The following EXOC4 variants were observed in gnomAD, a reference collection of about 807,000 sequenced individuals.
The protein encoded by EXOC4 is exocyst complex component 4.
A neutral mutation model predicts 107.2 loss-of-function variants in EXOC4; 71 were observed. The ratio of observed to expected loss-of-function variants is 0.66; its 90% CI spans 0.55 to 0.81. EXOC4 has a LOEUF of 0.81. Among genes scored for constraint, EXOC4 ranks in the 30% least tolerant of loss-of-function variants. EXOC4 has a pLI of 0.00. For missense variants in EXOC4, 1,108 were observed against 1,189.6 expected (o/e 0.93, Z 1.01); for synonymous variants, 456 against 441.2 (o/e 1.03, Z -0.42).
At chr7:133,869,993 T>C (rs6979717) in intron 11 of EXOC4, among the ~76,000 whole-genome samples, 2 of 152,070 alleles carry the variant, frequency 1.3e-5, no homozygotes, top group Non-Finnish European at 2.9e-5. Flanking sequence ...TAGCAGAACA[T>C]CCTATTATTT....
At chr7:133,498,741 C>T (rs932141292) in intron 9 of EXOC4, among the ~76,000 whole-genome samples, 12 of 152,148 alleles carry the variant, frequency 7.9e-5, no homozygotes, top group African/African-American at 2.7e-4. Context: ...TTAATAATTT[C>T]GTATGTACTA....
At chr7:133,358,966 C>CT (rs1389533075) in intron 6 of EXOC4, among the ~76,000 whole-genome samples, 1 of 152,136 alleles carries the variant, frequency 6.6e-6, no homozygotes, top group East Asian at 1.9e-4. Context: ...TTTTAGAAAG[C>CT]TTTTGTAGGC....
intron 11 of EXOC4, among the ~76,000 whole-genome samples, chr7:133,887,430 G>A (rs1799110230): frequency 2.0e-5 from 3 of 152,160 alleles, no homozygotes; most frequent in Admixed American, 2.0e-4. Context: ...GAGGAATGCT[G>A]ATCCCTCTTG....
At chr7:134,076,035 A>G in the EXOC4 span, among the ~76,000 whole-genome samples, 11 of 152,224 alleles carry the variant, frequency 7.2e-5, no homozygotes. Context: ...GATACACACA[A>G]CGAAGAGGCT....
intron 9 of EXOC4, among the ~76,000 whole-genome samples, chr7:133,487,383 C>G (rs1210764337): frequency 6.6e-6 from 1 of 152,132 alleles, no homozygotes; most frequent in African/African-American, 2.4e-5. Flanking sequence ...AAATGCATTT[C>G]TCTACATTTA....
intron 11 of EXOC4, among the ~76,000 whole-genome samples, chr7:133,855,098 T>A (rs749590117): frequency 0.026 from 2,449 of 95,232 alleles, 108 homozygotes; most frequent in Non-Finnish European, 0.038. Context: ...TATAAATATA[T>A]ATATAAATAT....
At chr7:134,001,635 T>C (rs1224453105) in intron 15 of EXOC4, among the ~76,000 whole-genome samples, 1 of 152,198 alleles carries the variant, frequency 6.6e-6, no homozygotes, top group Non-Finnish European at 1.5e-5. Flanking sequence ...CATTCTCTGC[T>C]ATTAATCCAC....
chr7:133,626,671 A>G (rs891730178), intron 9 of EXOC4, among the ~76,000 whole-genome samples: 2 of 152,192 alleles, frequency 1.3e-5, no homozygotes, highest in Non-Finnish European at 2.9e-5. Context: ...AGGGGTTTAG[A>G]ACTAATGAAA....
intron 11 of EXOC4, among the ~76,000 whole-genome samples, chr7:133,857,642 AC>A (rs1231685034): frequency 1.3e-5 from 2 of 151,364 alleles, no homozygotes; most frequent in African/African-American, 4.9e-5. Flanking sequence ...ACAGCCAGAC[AC>A]CCCAGCTGCT....
In EXOC4 at chr7:133,594,596, C is replaced by T. The variant is rs778760220; in HGVS notation, c.1418-35449C>T. Among the ~76,000 whole-genome samples, 12 of 148,708 alleles carry T rather than the reference C, an allele frequency of 8.1e-5. 1 individual carries two copies. Among genetic ancestry groups the T allele is most frequent in the East Asian group, 2.0e-4 (1 of 5,004 alleles). On this transcript the variant is annotated intron_variant, in intron 9 of 17. Transcript: ENST00000253861. ...TGCAATCTCCGCCTCCTGGTTCAAGCGATTCTCCTGCCTCAGCCTCCCAAG... is the reference window on the plus strand; with the variant it reads ...TGCAATCTCCGCCTCCTGGTTCAAGTGATTCTCCTGCCTCAGCCTCCCAAG...
intron 10 of EXOC4, among the ~76,000 whole-genome samples, chr7:133,639,720 C>T (rs909175304): frequency 2.0e-4 from 31 of 152,046 alleles, no homozygotes; most frequent in African/African-American, 5.8e-4. Context: ...TTTCTTGTTG[C>T]ACTTGAAATA....
intron 10 of EXOC4, among the ~76,000 whole-genome samples, chr7:133,710,661 GA>G (rs1245603600): frequency 2.1e-5 from 3 of 142,542 alleles, no homozygotes; most frequent in African/African-American, 7.8e-5. Context: ...CTCTGTCTCA[GA>G]AAAAAAAAAA....
At chr7:133,860,969 TTACC>T (rs551991869) in intron 11 of EXOC4, among the ~76,000 whole-genome samples, 3 of 152,338 alleles carry the variant, frequency 2.0e-5, no homozygotes, top group African/African-American at 7.2e-5. Flanking sequence ...TTTTACTTTG[TTACC>T]CTTCACTTTT....
intron 11 of EXOC4, among the ~76,000 whole-genome samples, chr7:133,870,602 C>T (rs1798731232): frequency 6.6e-6 from 1 of 152,154 alleles, no homozygotes; most frequent in African/African-American, 2.4e-5. Flanking sequence ...TGTCTGTACT[C>T]CTTCTTGACC....
intron 7 of EXOC4, among the ~76,000 whole-genome samples, chr7:133,393,138 T>C (rs1796890393): frequency 6.6e-6 from 1 of 152,174 alleles, no homozygotes; most frequent in African/African-American, 2.4e-5. Context: ...TCCTCTGTCT[T>C]ACCTATGAAG....
intron 13 of EXOC4, among the ~76,000 whole-genome samples, chr7:133,927,902 A>T (rs1251069313): frequency 1.3e-5 from 2 of 152,184 alleles, no homozygotes; most frequent in African/African-American, 4.8e-5. Context: ...AGATGATTGA[A>T]TTAGGCATTT....
Position 133,463,950 on chromosome 7 carries a change from A to G in EXOC4, c.1183-11378A>G, listed in dbSNP as rs140158858. Reference sequence around the variant, plus strand: ...GGAATACTCATTTGACCCTGATGATAGTACTAGCAAATAGATAATATTATT... The same window carrying G: ...GGAATACTCATTTGACCCTGATGATGGTACTAGCAAATAGATAATATTATT... On this transcript the variant is annotated intron_variant, in intron 7 of 17. Transcript: ENST00000253861. Among the ~76,000 whole-genome samples, 444 of 152,304 alleles carry G rather than the reference A, an allele frequency of 2.9e-3. 3 individuals carry two copies. The highest frequency in any genetic ancestry group is 0.01 in the African/African-American group (424 of 41,582).
intron 11 of EXOC4, among the ~76,000 whole-genome samples, chr7:133,869,416 T>A (rs902426406): frequency 9.2e-5 from 14 of 152,156 alleles, no homozygotes; most frequent in African/African-American, 3.4e-4. Context: ...TGTCTTCATC[T>A]GTAAAATGAG....
At chr7:133,934,143 G>A (rs1263263746) in intron 13 of EXOC4, among the ~76,000 whole-genome samples, 1 of 152,010 alleles carries the variant, frequency 6.6e-6, no homozygotes, top group Non-Finnish European at 1.5e-5. Flanking sequence ...ATGACTTCAT[G>A]GTTTTCCATA....
Sources: gnomAD v4.1 joint callset for allele counts (sites outside exome capture counted in the v4.1 genomes callset) on GRCh38, gnomAD v4.1.1 for gene constraint, MANE v1.5 for transcripts, NCBI Gene and HGNC (gene_info 2026-07-23, HGNC 2026-07-21) for gene names.